Variants in TTC13 observed in about 807,000 individuals in gnomAD.
TTC13 encodes the protein tetratricopeptide repeat protein 13.
In TTC13, 62 loss-of-function variants were observed where a neutral mutation model predicts 120.0. The ratio of observed to expected loss-of-function variants is 0.52; its 90% CI spans 0.42 to 0.64. TTC13 has a LOEUF of 0.64. Ranked by LOEUF, TTC13 falls within the 30% of genes least tolerant of loss-of-function variation. TTC13 has a pLI of 0.00. For missense variants in TTC13, 824 were observed against 1,050.2 expected (o/e 0.78, Z 2.98); for synonymous variants, 384 against 393.5 (o/e 0.98, Z 0.28).
intron 17 of TTC13, chr1:230,920,245 A>G (rs1672452112): frequency 3.7e-6 from 1 of 267,372 alleles, no homozygotes; most frequent in African/African-American, 2.3e-5. Context: ...GCAGCTGAGT[A>G]CCAGTTACTC....
intron 1 of TTC13, among the ~76,000 whole-genome samples, chr1:230,964,752 A>C (rs1477995755): frequency 1.3e-5 from 2 of 152,220 alleles, no homozygotes; most frequent in African/African-American, 4.8e-5. Flanking sequence ...ATAGTAACCA[A>C]AACAGCATGG....
At position 230,936,122 on chromosome 1, in the gene TTC13, G is replaced by A. The variant is rs1434020881; in HGVS notation, c.901-2261C>T. 1.1e-5 allele frequency: 5 copies of A among 454,406 alleles called. No homozygotes were observed. In the East Asian group the frequency reaches 2.8e-4, roughly 25 times the overall value. The allele number at this position is 454,406 out of a possible 1,614,324, so 28.1% of individuals were successfully genotyped here. On this transcript the variant is annotated intron_variant, in intron 8 of 22. Transcript: ENST00000366661. The stretch of plus-strand genomic sequence containing the variant: ...AGTCTGGAGTGCTTGTGGACAGCTA[G>A]GTGGAGACGCCCAGGGGGCTGCCCA...
intron 12 of TTC13, among the ~76,000 whole-genome samples, chr1:230,927,515 G>C (rs1673147530): frequency 6.6e-6 from 1 of 151,940 alleles, no homozygotes; most frequent in Non-Finnish European, 1.5e-5. Flanking sequence ...AAAATTACTT[G>C]TTCATGTCTT....
At position 230,923,887 on chromosome 1, in the gene TTC13, C is replaced by T. The variant is rs1672810909; in HGVS notation, c.1768G>A (p.Ala590Thr). The T allele has an allele frequency of 8.7e-6, 14 of 1,613,916 alleles. No homozygotes were observed. Among genetic ancestry groups the T allele is most frequent in the African/African-American group, 1.3e-5 (1 of 74,926 alleles). ...TTAAAACCTCTGCTAAGACTTCGTG[C>T]TGGCATTTGATCTAACCACAGCACG... The part of the protein sequence containing the change: ...QPVLWLDQMP[A>T]RSLSRGFNNH... The change falls in exon 15 of 23, where the codon GCA (alanine) becomes ACA (threonine). Residue 590 changes from alanine (A) to threonine (T), a missense_variant. This residue lies in a region of TTC13 where 430 missense variants were observed against 626.8 expected (regional missense o/e 0.69). Coordinates refer to ENST00000366661, the MANE Select transcript of TTC13 (RefSeq NM_024525.5).
Position 230,908,975 on chromosome 1 carries a change from T to G in TTC13, c.2355A>C (p.Gly785=). 1 of 1,614,218 alleles carries G rather than the reference T, an allele frequency of 6.2e-7. No individual in the cohort carries two copies. The highest frequency in any genetic ancestry group is 8.5e-7 in the Non-Finnish European group (1 of 1,180,038). The change falls in exon 21 of 23, where the codon GGA becomes GGC. Residue 785 remains glycine (G), a synonymous_variant. Coordinates refer to ENST00000366661, the MANE Select transcript of TTC13 (RefSeq NM_024525.5). The stretch of plus-strand genomic sequence containing the variant: ...TGGGAATTTTTCCTGCTACTTCTTT[T>G]CCACTTGCCATCAGTGCTCCCACGA... The part of the protein sequence containing the change: ...SVIVGALMAS[G]KEVAGKIPKG...
rs1165500727 is a variant in TTC13 at position 230,912,597 on chromosome 1, AAAAATGGAAAC to A, written c.2229+15_2229+25del. ...TACAAAAGAATCATAGGAAGAGCAG[AAAAATGGAAAC>A]AAAGAGAAACCTACCCCAAATTCTG... On this transcript the variant is annotated intron_variant, in intron 19 of 22. Coordinates refer to ENST00000366661, the MANE Select transcript of TTC13 (RefSeq NM_024525.5). 6.2e-7 allele frequency: 1 copy of A among 1,605,184 alleles called. No individual in the cohort carries two copies. Among genetic ancestry groups the A allele is most frequent in the East Asian group, 2.2e-5 (1 of 44,642 alleles).
intron 4 of TTC13, among the ~76,000 whole-genome samples, chr1:230,947,856 G>A (rs1386535420): frequency 6.6e-6 from 1 of 152,150 alleles, no homozygotes; most frequent in African/African-American, 2.4e-5. Flanking sequence ...CCGCACACCC[G>A]TGGCCGGGGC....
chr1:230,975,639 T>C (rs1678220285), intron 1 of TTC13, among the ~76,000 whole-genome samples: 1 of 152,100 alleles, frequency 6.6e-6, no homozygotes, highest in Non-Finnish European at 1.5e-5. Flanking sequence ...GAAGACAAGT[T>C]TGTGGTTATA....
At chr1:230,936,703 C>G (rs759350598) in intron 8 of TTC13, 5 of 113,252 alleles carry the variant, frequency 4.4e-5, no homozygotes, top group Non-Finnish European at 9.8e-5. Flanking sequence ...TAAGCAATCA[C>G]CCACTCAATT....
intron 12 of TTC13, among the ~76,000 whole-genome samples, chr1:230,926,976 C>G (rs765290045): frequency 1.3e-5 from 2 of 152,118 alleles, no homozygotes; most frequent in African/African-American, 2.4e-5. Flanking sequence ...GGCTTATGAG[C>G]TTTGGGAGAA....
At chr1:230,925,456 G>T in intron 13 of TTC13, 61 bp downstream of exon 13, 1 of 1,582,774 alleles carries the variant, frequency 6.3e-7, no homozygotes, top group Non-Finnish European at 8.7e-7. Flanking sequence ...GCACAACATG[G>T]CTTAACCACC....
At position 230,939,511 on chromosome 1, in the gene TTC13, G is replaced by GT; in HGVS notation, c.790-16dup. 6.5e-7 allele frequency: 1 copy of GT among 1,535,390 alleles called. No homozygotes were observed. Among genetic ancestry groups the GT allele is most frequent in the Non-Finnish European group, 8.9e-7 (1 of 1,118,272 alleles). On this transcript the variant is annotated splice_polypyrimidine_tract_variant and intron_variant, in intron 7 of 22. Transcript: ENST00000366661. ...GTTGCATAGTCCTACAAAAAGGAGA[G>GT]TGGGGGGAAAAATAAAATAGTATTC...
intron 6 of TTC13, among the ~76,000 whole-genome samples, chr1:230,941,701 A>G (rs1384882460): frequency 2.0e-5 from 3 of 152,214 alleles, no homozygotes; most frequent in Non-Finnish European, 4.4e-5. Context: ...AGGCAGGCCT[A>G]TCACCAGTAG....
rs560877843 is a variant in TTC13, at chr1:230,912,841, T to C, written c.2094-83A>G. 7 of 1,265,170 alleles carry C rather than the reference T, an allele frequency of 5.5e-6. No homozygotes were observed. In the East Asian group the frequency reaches 9.3e-5, roughly 17 times the overall value. 78.4% of individuals were successfully genotyped at this position (1,265,170 alleles called of 1,614,324 possible). A position where few individuals can be genotyped will look rare whatever the true frequency, so the allele number is the denominator to read the frequency against. ...CAGAAAGTTTTTTTTAAAAAGCAAATAGCATACTGACGTAGCACTAAACAT... is the reference window on the plus strand; with the variant it reads ...CAGAAAGTTTTTTTTAAAAAGCAAACAGCATACTGACGTAGCACTAAACAT... On this transcript the variant is annotated intron_variant, in intron 18 of 22. Transcript: ENST00000366661.
chr1:230,909,442 C>T (rs1167285632), intron 20 of TTC13, among the ~76,000 whole-genome samples: 2 of 152,246 alleles, frequency 1.3e-5, no homozygotes, highest in East Asian at 1.9e-4. Flanking sequence ...ACCAGCCTGA[C>T]CAACATGGCA....
chr1:230,972,046 A>C (rs1477203481), intron 1 of TTC13, among the ~76,000 whole-genome samples: 1 of 152,238 alleles, frequency 6.6e-6, no homozygotes, highest in Non-Finnish European at 1.5e-5. Context: ...GAACATTGCA[A>C]ACACCAGCAG....
chr1:230,931,629 G>C (rs1673566776), intron 10 of TTC13, 107 bp downstream of exon 10: 11 of 1,477,238 alleles, frequency 7.4e-6, no homozygotes, highest in Non-Finnish European at 1.0e-5. Context: ...CTTTTTGTTG[G>C]AGTAGAAACA....
chr1:230,922,920 A>T (rs949912629), intron 15 of TTC13, among the ~76,000 whole-genome samples: 1 of 152,234 alleles, frequency 6.6e-6, no homozygotes, highest in Non-Finnish European at 1.5e-5. Flanking sequence ...GATTAAAGTT[A>T]GTTGCTTGAG....
At position 230,978,291 on chromosome 1, in the gene TTC13, GGA is replaced by G. The variant is rs1257940414; in HGVS notation, c.271+267_271+268del. Reference sequence around the variant, plus strand: ...CCTTCCAACAGTTGCTTCAGACTCAGGAGAGAGGCCGCCCTGGCCCCAGGAGC... The same window carrying G: ...CCTTCCAACAGTTGCTTCAGACTCAGGAGAGGCCGCCCTGGCCCCAGGAGC... On this transcript the variant is annotated intron_variant, in intron 1 of 22. Coordinates refer to ENST00000366661, the MANE Select transcript of TTC13 (RefSeq NM_024525.5). This position sits in a 1 kb window ranked among gnomAD's most constrained non-coding sequence, Gnocchi z 5.6. Among the ~76,000 whole-genome samples, 1 of 152,176 alleles carries G rather than the reference GGA, an allele frequency of 6.6e-6. No individual in the cohort carries two copies. The highest frequency in any genetic ancestry group is 1.5e-5 in the Non-Finnish European group (1 of 68,012).
Sources: gnomAD v4.1 joint callset for allele counts (sites outside exome capture counted in the v4.1 genomes callset) on GRCh38, gnomAD v4.1.1 for gene constraint, gnomAD v4.1.1 regional missense constraint, Gnocchi (gnomAD v3.1) non-coding constraint, MANE v1.5 for transcripts, NCBI Gene and HGNC (gene_info 2026-07-23, HGNC 2026-07-21) for gene names.